Variants in KANK1 observed in about 807,000 individuals in gnomAD.
The protein encoded by KANK1 is KN motif and ankyrin repeat domain-containing protein 1.
In KANK1, 109 loss-of-function variants were observed where a neutral mutation model predicts 106.2. The ratio of observed to expected loss-of-function variants is 1.03; its 90% CI spans 0.88 to 1.20. KANK1 has a LOEUF of 1.20. KANK1 is among the 50% of genes most tolerant of loss of function. The pLI is 0.00. For synonymous variants in KANK1, 873 were observed against 652.2 expected, an observed-to-expected ratio of 1.34 and a Z score of -5.16; for missense variants, 2,399 against 1,710.7, an observed-to-expected ratio of 1.40 and a Z score of -7.10.
rs531353360 is a variant in KANK1, at chr9:690,288, G to A, written c.37+13279G>A. On this transcript the variant is annotated intron_variant, in intron 2 of 11. Transcript: ENST00000382297. ...GCCATTGTACTCCAGCCTGGGTGACGGAGCGAGACTCTGTCTCAAAAAAAA... is the reference window on the plus strand; with the variant it reads ...GCCATTGTACTCCAGCCTGGGTGACAGAGCGAGACTCTGTCTCAAAAAAAA... Among the ~76,000 whole-genome samples, 20 of 149,820 alleles carry A rather than the reference G, an allele frequency of 1.3e-4. No individual in the cohort carries two copies. The East Asian group carries it at 1.8e-3, about 13-fold the overall frequency.
rs542797207 is a variant in KANK1 at position 734,893 on chromosome 9, T to C, written c.3333+58T>C. 121 of 1,262,722 alleles carry C rather than the reference T, an allele frequency of 9.6e-5. No individual in the cohort carries two copies. In the East Asian group the frequency reaches 2.1e-3, roughly 22 times the overall value. The allele number at this position is 1,262,722 out of a possible 1,614,324, so 78.2% of individuals were successfully genotyped here. A position where few individuals can be genotyped will look rare whatever the true frequency, so the allele number is the denominator to read the frequency against. ...TGTACAAAGTGCATGAGTGGGTTCA[T>C]TGTCAAGGCCAGCTGTAGGCTGCCC... On this transcript the variant is annotated intron_variant, in intron 7 of 11. Transcript: ENST00000382297.
intron 5 of KANK1, chr9:731,818 A>G (rs1208112997): frequency 6.5e-6 from 1 of 154,636 alleles, no homozygotes; most frequent in East Asian, 1.9e-4. Flanking sequence ...TTGTTGTCCT[A>G]CAATTGAATC....
At chr9:482,264 G>A (rs2058218359) in intron 3 of KANK1, among the ~76,000 whole-genome samples, 1 of 152,152 alleles carries the variant, frequency 6.6e-6, no homozygotes, top group African/African-American at 2.4e-5. Flanking sequence ...CAAATTAATT[G>A]AATTTTCAAG....
At chr9:665,269 A>G (rs1844310398) in intron 1 of KANK1, among the ~76,000 whole-genome samples, 1 of 152,066 alleles carries the variant, frequency 6.6e-6, no homozygotes, top group African/African-American at 2.4e-5. Context: ...CATTTCCCCA[A>G]TGTTTTCTTT....
At chr9:539,096 G>A (rs904214338) in intron 1 of KANK1, among the ~76,000 whole-genome samples, 1 of 152,124 alleles carries the variant, frequency 6.6e-6, no homozygotes, top group Admixed American at 6.6e-5. Context: ...GGCCCAGCTG[G>A]TCTTGAACTC....
intron 1 of KANK1, among the ~76,000 whole-genome samples, chr9:627,290 G>A (rs1834579435): frequency 6.6e-6 from 1 of 152,094 alleles, no homozygotes; most frequent in South Asian, 2.1e-4. Flanking sequence ...AAACCACAAA[G>A]CCTGATTTGA....
At chr9:690,889 C>A (rs1458701791) in intron 2 of KANK1, among the ~76,000 whole-genome samples, 1 of 152,232 alleles carries the variant, frequency 6.6e-6, no homozygotes, top group Non-Finnish European at 1.5e-5. Flanking sequence ...GGTTCCTTTT[C>A]TCACTGGGCG....
At chr9:519,733 A>G (rs1262349137) in intron 1 of KANK1, among the ~76,000 whole-genome samples, 1 of 151,772 alleles carries the variant, frequency 6.6e-6, no homozygotes, top group Non-Finnish European at 1.5e-5. Flanking sequence ...GATTAATTAC[A>G]TGCCTTTGGA....
At chr9:731,312 T>C (rs758979456) in intron 5 of KANK1, 46 bp downstream of exon 5, 2 of 1,145,630 alleles carry the variant, frequency 1.7e-6, no homozygotes, top group East Asian at 2.5e-5. Flanking sequence ...TCAGTCTCCT[T>C]TACCTCCTGC....
At chr9:647,808 A>T (rs1392920891) in intron 1 of KANK1, among the ~76,000 whole-genome samples, 1 of 150,540 alleles carries the variant, frequency 6.6e-6, no homozygotes, top group Non-Finnish European at 1.5e-5. Context: ...GATACGAAAT[A>T]GCCCGCAATC....
chr9:740,869 G>C lies in KANK1; in HGVS notation c.3631G>C (p.Glu1211Gln), dbSNP rs775838462. Residue 1211 changes from glutamate to glutamine, a missense_variant, in exon 9 of 12, where the codon GAG becomes CAG. By Grantham distance (29) the Glu-to-Gln change is conservative. Coordinates refer to ENST00000382297, the MANE Select transcript of KANK1 (RefSeq NM_015158.5). ...MLAALAAVEA[E>Q]KDMRIVEELF... ...GGCGGCCCTCGCCGCTGTGGAAGCA[G>C]AGAAGGACATGCGGATTGTGGAAGA... 6.2e-7 allele frequency: 1 copy of C among 1,614,140 alleles called. No individual in the cohort carries two copies. The highest frequency in any genetic ancestry group is 8.5e-7 in the Non-Finnish European group (1 of 1,180,040).
chr9:522,438 C>T (rs574607343), intron 1 of KANK1, among the ~76,000 whole-genome samples: 1 of 151,596 alleles, frequency 6.6e-6, no homozygotes, highest in Non-Finnish European at 1.5e-5. Flanking sequence ...CCGTCTCTTT[C>T]ATGGTTTTCA....
chr9:608,138 C>T (rs571241962), intron 1 of KANK1, among the ~76,000 whole-genome samples: 6 of 147,096 alleles, frequency 4.1e-5, no homozygotes, highest in Admixed American at 3.4e-4. Context: ...CCCGGGTTCA[C>T]GCCATTCTCC....
chr9:615,927 G>A (rs1016327325), intron 1 of KANK1, among the ~76,000 whole-genome samples: 2 of 152,180 alleles, frequency 1.3e-5, no homozygotes, highest in Admixed American at 1.3e-4. Context: ...GGTGGTGCCA[G>A]CTGATAGCAT....
At position 514,247 on chromosome 9, in the gene KANK1, C is replaced by T. The variant is rs1438471176; in HGVS notation, c.-84+9493C>T. 6.2e-5 allele frequency among the ~76,000 whole-genome samples: 5 copies of T among 81,180 alleles called. 1 individual carries two copies. Among genetic ancestry groups the T allele is most frequent in the Non-Finnish European group, 1.1e-4 (5 of 47,388 alleles). 53.3% of individuals were successfully genotyped at this position (81,180 alleles called of 152,430 possible). On this transcript the variant is annotated intron_variant, in intron 1 of 11. Transcript: ENST00000382297. Reference sequence around the variant, plus strand: ...TCCTCCCTCCCTCCCTCCCTTCCTTCCTTCCTCCCTCCGTCCCTCCCTTCC... The same window carrying T: ...TCCTCCCTCCCTCCCTCCCTTCCTTTCTTCCTCCCTCCGTCCCTCCCTTCC...
rs568763718 is a variant in KANK1, at chr9:508,056, A to C, written c.-84+3302A>C. ...AGGCTGGTCTTGAACTCGTGACGTC[A>C]GGTTATCCATCCGCCTCTGCCTCCC... On this transcript the variant is annotated intron_variant, in intron 1 of 11. Coordinates refer to ENST00000382297, the MANE Select transcript of KANK1 (RefSeq NM_015158.5). 7.6e-5 allele frequency among the ~76,000 whole-genome samples: 11 copies of C among 144,930 alleles called. No individual in the cohort carries two copies. In the East Asian group the frequency reaches 2.4e-3, roughly 31 times the overall value.
chr9:635,900 C>A (rs918834114), intron 1 of KANK1, among the ~76,000 whole-genome samples: 1 of 151,920 alleles, frequency 6.6e-6, no homozygotes, highest in Non-Finnish European at 1.5e-5. Context: ...GTCTTGAACT[C>A]CTGGCCTCAG....
At chr9:613,996 G>T (rs1831191652) in intron 1 of KANK1, among the ~76,000 whole-genome samples, 1 of 152,132 alleles carries the variant, frequency 6.6e-6, no homozygotes, top group African/African-American at 2.4e-5. Context: ...CGGGAAGAAG[G>T]CGCTGTGCAT....
At chr9:702,978 G>C (rs1305213079) in intron 2 of KANK1, among the ~76,000 whole-genome samples, 1 of 151,978 alleles carries the variant, frequency 6.6e-6, no homozygotes, top group Non-Finnish European at 1.5e-5. Flanking sequence ...TTTTTGGAGT[G>C]GGGGCGGGGT....
Sources: gnomAD v4.1 joint callset for allele counts (sites outside exome capture counted in the v4.1 genomes callset) on GRCh38, gnomAD v4.1.1 for gene constraint, MANE v1.5 for transcripts, NCBI Gene and HGNC (gene_info 2026-07-23, HGNC 2026-07-21) for gene names.